The following TNRC6C variants were observed in gnomAD, a reference collection of about 807,000 sequenced individuals.
TNRC6C encodes trinucleotide repeat-containing gene 6C protein.
In TNRC6C, 20 loss-of-function variants were observed where a neutral mutation model predicts 153.7. The ratio of observed to expected loss-of-function variants is 0.13; its 90% CI spans 0.09 to 0.19. The LOEUF (loss-of-function observed/expected upper bound fraction) is 0.19. TNRC6C is among the 10% of genes least tolerant of loss of function. TNRC6C has a pLI of 1.00. For synonymous variants in TNRC6C, 811 were observed against 841.4 expected, an observed-to-expected ratio of 0.96 and a Z score of 0.63; for missense variants, 1,987 against 2,172.0, an observed-to-expected ratio of 0.91 and a Z score of 1.69.
intron 1 of TNRC6C, among the ~76,000 whole-genome samples, chr17:77,963,070 G>A (rs567480263): frequency 2.4e-4 from 37 of 152,274 alleles, no homozygotes; most frequent in African/African-American, 7.2e-4. Flanking sequence ...GTGTGGTCAC[G>A]AGGAGAGCAT....
At chr17:78,083,199 G>A (rs921080150) in intron 11 of TNRC6C, 33 bp downstream of exon 13, 14 of 1,611,940 alleles carry the variant, frequency 8.7e-6, no homozygotes, top group East Asian at 2.2e-5. Flanking sequence ...GTTAGAGCAC[G>A]CAGGCCGAGT....
chr17:78,001,873 TG>T (rs547663500), upstream of TNRC6C, among the ~76,000 whole-genome samples: 252 of 152,082 alleles, frequency 1.7e-3, 1 homozygote, highest in African/African-American at 5.6e-3. Flanking sequence ...AATATTGTCC[TG>T]GGGGGAAGCA....
At chr17:78,027,344 G>T (rs1212225113) in intron 1 of TNRC6C, among the ~76,000 whole-genome samples, 1 of 152,138 alleles carries the variant, frequency 6.6e-6, no homozygotes, top group Non-Finnish European at 1.5e-5. Context: ...ATTTGAACAT[G>T]TTCAAGTGAT....
rs1312190163 is a variant in TNRC6C, at chr17:78,075,741, C to T, written c.3060+463C>T. On this transcript the variant is annotated intron_variant, in intron 8 of 19. Transcript: ENST00000301624. This position sits in a 1 kb window ranked among gnomAD's most constrained non-coding sequence, Gnocchi z 4.2. ...GACCACAGCTGGCATCTGTGGAAAA[C>T]GCCCTGAATGTTTAGCCAGTCCGGT... is the stretch of plus-strand genomic sequence containing the variant. Among the ~76,000 whole-genome samples, 6 of 152,330 alleles carry T rather than the reference C, an allele frequency of 3.9e-5. No homozygotes were observed. The highest frequency in any genetic ancestry group is 3.4e-3 in the Middle Eastern group (1 of 294).
intron 10 of TNRC6C, among the ~76,000 whole-genome samples, chr17:78,081,109 A>G (rs981940956): frequency 6.6e-6 from 1 of 152,126 alleles, no homozygotes; most frequent in African/African-American, 2.4e-5. Context: ...TTTCTCATAG[A>G]TGGCAACTTT....
At chr17:78,040,440 G>A (rs1166446702) in intron 2 of TNRC6C, among the ~76,000 whole-genome samples, 1 of 152,186 alleles carries the variant, frequency 6.6e-6, no homozygotes, top group African/African-American at 2.4e-5. Flanking sequence ...ATACGGCAGT[G>A]TTTGCTACTT....
At chr17:78,021,714 G>A (rs1356038303) in intron 1 of TNRC6C, among the ~76,000 whole-genome samples, 1 of 151,884 alleles carries the variant, frequency 6.6e-6, no homozygotes, top group Non-Finnish European at 1.5e-5. Context: ...GAATTACAGG[G>A]GTATGCCACC....
At chr17:78,092,700 C>T (rs1164151914) in intron 14 of TNRC6C, among the ~76,000 whole-genome samples, 6 of 152,098 alleles carry the variant, frequency 3.9e-5, no homozygotes, top group Non-Finnish European at 8.8e-5. Context: ...CATCACTACA[C>T]TCCAGCCTGG....
At chr17:78,027,095 T>C (rs745383698) in intron 1 of TNRC6C, among the ~76,000 whole-genome samples, 3 of 152,114 alleles carry the variant, frequency 2.0e-5, no homozygotes, top group Admixed American at 6.5e-5. Context: ...AATAGTGGCA[T>C]AGAGAAGAAG....
At position 78,091,612 on chromosome 17, in the gene TNRC6C, G is replaced by T; in HGVS notation, c.3970+5G>T. 6.6e-7 allele frequency: 1 copy of T among 1,521,906 alleles called. No individual in the cohort carries two copies. Among genetic ancestry groups the T allele is most frequent in the Non-Finnish European group, 8.8e-7 (1 of 1,132,516 alleles). 94.3% of individuals were successfully genotyped at this position (1,521,906 alleles called of 1,614,324 possible). ...AGCAGAACCCTAGCAAGCATGGTACGTCTGAGCTAGGATGCCTGTGGTGGG... is the reference window on the plus strand; with the variant it reads ...AGCAGAACCCTAGCAAGCATGGTACTTCTGAGCTAGGATGCCTGTGGTGGG... On this transcript the variant is annotated splice_donor_5th_base_variant and intron_variant, in intron 14 of 19. Transcript: ENST00000301624.
chr17:78,027,398 C>T (rs1025214502), intron 1 of TNRC6C, among the ~76,000 whole-genome samples: 3 of 152,042 alleles, frequency 2.0e-5, no homozygotes, highest in African/African-American at 7.2e-5. Flanking sequence ...TCCCTGGGCC[C>T]GTTAGAGGTT....
intron 2 of TNRC6C, among the ~76,000 whole-genome samples, chr17:78,034,509 G>A (rs186947004): frequency 6.3e-4 from 94 of 149,918 alleles, no homozygotes; most frequent in Non-Finnish European, 1.1e-3. Context: ...CCCCGCACCC[G>A]TGAGGCTTCC....
intron 1 of TNRC6C, among the ~76,000 whole-genome samples, chr17:77,993,634 T>A (rs2071285250): frequency 6.6e-6 from 1 of 152,182 alleles, no homozygotes; most frequent in Admixed American, 6.5e-5. Context: ...CCTTTTTTTT[T>A]CTTATGAGGT....
chr17:78,044,761 G>C (rs1026699710), intron 2 of TNRC6C, among the ~76,000 whole-genome samples: 4 of 152,144 alleles, frequency 2.6e-5, no homozygotes, highest in Non-Finnish European at 5.9e-5. Flanking sequence ...GAGACTATAT[G>C]GCCCACAAAG....
intron 1 of TNRC6C, among the ~76,000 whole-genome samples, chr17:78,024,115 A>G (rs1376811520): frequency 6.6e-6 from 1 of 152,174 alleles, no homozygotes; most frequent in Non-Finnish European, 1.5e-5. Flanking sequence ...AAGCAAAAAC[A>G]AAAAAACCTT....
intron 1 of TNRC6C, among the ~76,000 whole-genome samples, chr17:77,995,468 C>T (rs2071314036): frequency 6.6e-6 from 1 of 152,186 alleles, no homozygotes; most frequent in Non-Finnish European, 1.5e-5. Flanking sequence ...TTTCACAGAG[C>T]AGGCAAAAAG....
intron 10 of TNRC6C, among the ~76,000 whole-genome samples, chr17:78,082,765 C>G (rs1448479860): frequency 3.3e-5 from 5 of 152,184 alleles, no homozygotes; most frequent in Non-Finnish European, 7.4e-5. Flanking sequence ...TGTGAAACCT[C>G]CCTGACTGCA....
chr17:77,987,496 A>C (rs1295925882), intron 1 of TNRC6C, among the ~76,000 whole-genome samples: 1 of 152,220 alleles, frequency 6.6e-6, no homozygotes, highest in African/African-American at 2.4e-5. Context: ...AGACAATCAC[A>C]AATACAGAAC....
intron 1 of TNRC6C, among the ~76,000 whole-genome samples, chr17:78,016,967 G>C (rs2071740360): frequency 6.6e-6 from 1 of 152,176 alleles, no homozygotes; most frequent in Non-Finnish European, 1.5e-5. Context: ...CAGCAAAGAA[G>C]TGGCAGAGCT....
Sources: allele counts gnomAD v4.1 joint callset (sites outside exome capture counted in the v4.1 genomes callset), GRCh38; gene constraint gnomAD v4.1.1; non-coding constraint Gnocchi (gnomAD v3.1); transcripts MANE v1.5; gene names NCBI Gene and HGNC (gene_info 2026-07-23, HGNC 2026-07-21).